GRIA2: variants seen among roughly 807,000 people sequenced by gnomAD.
GRIA2 encodes the protein glutamate ionotropic receptor AMPA type subunit 2.
In GRIA2, 14 loss-of-function variants were observed where a neutral mutation model predicts 97.3. The observed-to-expected ratio is 0.14, with a 90% CI of 0.10 to 0.23. The LOEUF (loss-of-function observed/expected upper bound fraction) is 0.23, where lower values mean the gene tolerates loss of function less well. Ranked by LOEUF, GRIA2 falls within the 10% of genes least tolerant of loss-of-function variation. The probability of loss-of-function intolerance (pLI) is 1.00; values close to 1 mark genes in which losing one functional copy is unlikely to be tolerated. For synonymous variants in GRIA2, 412 were observed against 387.8 expected (o/e 1.06, Z -0.73); for missense variants, 558 against 1,069.8 (o/e 0.52, Z 6.67).
chr4:157,265,117 C>A (rs2126777205), intron 2 of GRIA2, among the ~76,000 whole-genome samples: 1 of 152,134 alleles, frequency 6.6e-6, no homozygotes, highest in Non-Finnish European at 1.5e-5. Context: ...TGTATCTTTT[C>A]ATTTATCTAT....
rs181372412 is a variant in GRIA2 at position 157,252,650 on chromosome 4, T to C, written c.229+30843T>C. 6.6e-5 allele frequency among the ~76,000 whole-genome samples: 10 copies of C among 152,232 alleles called. No homozygotes were observed. In the East Asian group the frequency reaches 1.9e-3, roughly 29 times the overall value. On this transcript the variant is annotated intron_variant, in intron 2 of 15. Coordinates refer to ENST00000264426, the MANE Select transcript of GRIA2 (RefSeq NM_001083619.3). ...TTGTGAACTAATATTTTCTAAATGA[T>C]CAATGCATAATATTAGAGAATTAAG...
intron 12 of GRIA2, chr4:157,342,467 T>C: frequency 1.0e-6 from 1 of 984,198 alleles, no homozygotes; most frequent in Non-Finnish European, 1.2e-6. Context: ...CCTTGATGAA[T>C]TAATTAGGTA....
At chr4:157,234,614 G>A (rs552014330) in intron 2 of GRIA2, among the ~76,000 whole-genome samples, 1 of 152,106 alleles carries the variant, frequency 6.6e-6, no homozygotes, top group Non-Finnish European at 1.5e-5. Context: ...TAAAAATGAT[G>A]GTAGGTGTTT....
At position 157,341,745 on chromosome 4, in the gene GRIA2, A is replaced by G. The variant is rs187706068; in HGVS notation, c.2043+283A>G. ...TTGGAACAAAATTGAAGCAAAGTAT[A>G]GTAGTTAAGTTTAGATTATTATGCT... On this transcript the variant is annotated intron_variant, in intron 12 of 15. Coordinates refer to ENST00000264426, the MANE Select transcript of GRIA2 (RefSeq NM_001083619.3). 8.3e-4 allele frequency among the ~76,000 whole-genome samples: 126 copies of G among 152,302 alleles called. 3 individuals are homozygous for G. In the East Asian group the frequency reaches 0.016, roughly 19 times the overall value.
chr4:157,342,081 G>A (rs775149137), intron 12 of GRIA2: 4 of 967,030 alleles, frequency 4.1e-6, no homozygotes, highest in Non-Finnish European at 4.9e-6. Context: ...AGGACCTGAT[G>A]TTGGCATAAT....
At chr4:157,337,209 G>A (rs1041087565) in intron 11 of GRIA2, among the ~76,000 whole-genome samples, 12 of 151,808 alleles carry the variant, frequency 7.9e-5, no homozygotes, top group Non-Finnish European at 1.6e-4. Flanking sequence ...AAATGGTATG[G>A]GAGAGATATT....
intron 2 of GRIA2, among the ~76,000 whole-genome samples, chr4:157,267,416 TA>T (rs1731823039): frequency 2.7e-5 from 4 of 149,850 alleles, no homozygotes; most frequent in Non-Finnish European, 4.5e-5. Context: ...AAAAAAAAGT[TA>T]AAAAACTTTG....
intron 4 of GRIA2, among the ~76,000 whole-genome samples, chr4:157,313,849 A>G (rs1734196083): frequency 6.6e-6 from 1 of 152,166 alleles, no homozygotes; most frequent in South Asian, 2.1e-4. Context: ...AGCCTTACAG[A>G]TAACACACAG....
chr4:157,294,680 T>C (rs1733262265), intron 2 of GRIA2, among the ~76,000 whole-genome samples: 1 of 152,152 alleles, frequency 6.6e-6, no homozygotes, highest in Admixed American at 6.6e-5. Flanking sequence ...AATTTCTCTC[T>C]TTGATGTTCA....
At chr4:157,307,238 C>T (rs1733884623) in intron 3 of GRIA2, among the ~76,000 whole-genome samples, 1 of 152,196 alleles carries the variant, frequency 6.6e-6, no homozygotes, top group Non-Finnish European at 1.5e-5. Context: ...CTTAGTTTCA[C>T]TACCTTTAGC....
chr4:157,363,068 C>A, intron 15 of GRIA2, 21 bp downstream of exon 15: 2 of 1,588,186 alleles, frequency 1.3e-6, no homozygotes, highest in Non-Finnish European at 8.6e-7. Context: ...GGCTCTAATA[C>A]AAACTTTTTA....
At chr4:157,334,378 G>A in intron 9 of GRIA2, 1 of 354,352 alleles carries the variant, frequency 2.8e-6, no homozygotes, top group Non-Finnish European at 5.3e-6. Flanking sequence ...GTGAACAATT[G>A]GGGAATGTCT....
intron 2 of GRIA2, among the ~76,000 whole-genome samples, chr4:157,275,431 G>T (rs887406702): frequency 5.3e-5 from 8 of 152,132 alleles, no homozygotes; most frequent in Non-Finnish European, 1.0e-4. Flanking sequence ...TTTTAGTCAT[G>T]AAGTCCTTGC....
At position 157,226,902 on chromosome 4, in the gene GRIA2, T is replaced by C. The variant is rs557311463; in HGVS notation, c.229+5095T>C. Among the ~76,000 whole-genome samples the C allele has an allele frequency of 7.9e-5, 12 of 152,264 alleles. No homozygotes were observed. In the East Asian group the frequency reaches 2.1e-3, roughly 27 times the overall value. On this transcript the variant is annotated intron_variant, in intron 2 of 15. Transcript: ENST00000264426. ...TGGTGTTGTAAATATTCAGTTATATTCAATTGCAGATTTTGAGGAAATGCC... is the reference window on the plus strand; with the variant it reads ...TGGTGTTGTAAATATTCAGTTATATCCAATTGCAGATTTTGAGGAAATGCC...
intron 1 of GRIA2, chr4:157,221,424 T>C: frequency 3.5e-6 from 2 of 579,628 alleles, no homozygotes. Context: ...AATGCAAAGC[T>C]TGTGATTACA....
intron 3 of GRIA2, among the ~76,000 whole-genome samples, chr4:157,311,051 G>A (rs188187718): frequency 5.3e-5 from 8 of 152,028 alleles, no homozygotes; most frequent in Middle Eastern, 3.4e-3. Context: ...CATTAATTCC[G>A]TAGGTGTTAC....
At position 157,321,616 on chromosome 4, in the gene GRIA2, G is replaced by C. The variant is rs751262668; in HGVS notation, c.882+17G>C. 1 of 1,581,438 alleles carries C rather than the reference G, an allele frequency of 6.3e-7. No homozygotes were observed. Among genetic ancestry groups the C allele is most frequent in the Admixed American group, 1.8e-5 (1 of 55,720 alleles). On this transcript the variant is annotated intron_variant, in intron 6 of 15. Transcript: ENST00000264426. ...ACAATTAAGGTTTGCTTTGGTTTCT[G>C]TCTTTTCTTTTTCTTTCATATGTGA...
At chr4:157,354,251 T>C (rs1039933674) in intron 12 of GRIA2, among the ~76,000 whole-genome samples, 4 of 152,166 alleles carry the variant, frequency 2.6e-5, no homozygotes, top group African/African-American at 9.7e-5. Flanking sequence ...AATTAATATA[T>C]AAGCAAAAAC....
At chr4:157,295,527 C>T (rs1579340306) in intron 2 of GRIA2, among the ~76,000 whole-genome samples, 1 of 151,928 alleles carries the variant, frequency 6.6e-6, no homozygotes, top group Admixed American at 6.6e-5. Flanking sequence ...TTGCTGGGCT[C>T]TGGGGAACAG....
Sources: allele counts gnomAD v4.1 joint callset (sites outside exome capture counted in the v4.1 genomes callset), GRCh38; gene constraint gnomAD v4.1.1; transcripts MANE v1.5; gene names NCBI Gene and HGNC (gene_info 2026-07-23, HGNC 2026-07-21).